Variants in IL15RA observed in about 807,000 individuals in gnomAD.
The protein encoded by IL15RA is interleukin 15 receptor subunit alpha, also known as interleukin-15 receptor subunit alpha.
A neutral mutation model predicts 24.2 loss-of-function variants in IL15RA; 26 were observed. The ratio of observed to expected loss-of-function variants is 1.07; its 90% CI spans 0.79 to 1.49. IL15RA has a LOEUF of 1.49. IL15RA is among the 40% of genes most tolerant of loss of function. The pLI is 0.00. For missense variants in IL15RA, 354 were observed against 356.4 expected, an observed-to-expected ratio of 0.99 and a Z score of 0.05; for synonymous variants, 166 against 157.6, an observed-to-expected ratio of 1.05 and a Z score of -0.40.
At position 5,958,355 on chromosome 10, in the gene IL15RA, C is replaced by T. The variant is rs1350458776; in HGVS notation, c.616+1399G>A. The T allele has an allele frequency of 2.2e-6, 1 of 446,384 alleles. No individual in the cohort carries two copies. The highest frequency in any genetic ancestry group is 7.0e-5 in the East Asian group (1 of 14,304). 27.7% of individuals were successfully genotyped at this position (446,384 alleles called of 1,614,324 possible). On this transcript the variant is annotated intron_variant, in intron 5 of 6. Coordinates refer to ENST00000379977, the MANE Select transcript of IL15RA (RefSeq NM_002189.4). The surrounding 1 kb of genome is among the most constrained non-coding windows in gnomAD (Gnocchi z 4.3). ...GGTAGCAAGTGTTGCTTCCTTCCTG[C>T]AAGGGGATTTTTGAGTTAGAAATGG...
rs760175578 is a variant in IL15RA, at chr10:5,966,369, G to GAAGAGGTT, written c.89-38_89-31dup. On this transcript the variant is annotated intron_variant, in intron 1 of 6. Transcript: ENST00000379977. The surrounding 1 kb of genome is among the most constrained non-coding windows in gnomAD (Gnocchi z 6.4). ...GAAAGTGCAGAGGACAGGGGACGGT[G>GAAGAGGTT]AAGAGGTTTCCACTTGTAAGAGGCG... The GAAGAGGTT allele has an allele frequency of 1.9e-6, 3 of 1,580,372 alleles. No homozygotes were observed. Among genetic ancestry groups the GAAGAGGTT allele is most frequent in the Non-Finnish European group, 2.6e-6 (3 of 1,152,088 alleles).
chr10:5,977,179 G>C, intron 1 of IL15RA: 2 of 346,258 alleles, frequency 5.8e-6, no homozygotes, highest in Non-Finnish European at 1.0e-5. Context: ...TTACGTGGGT[G>C]ACCCGGGCGC....
rs1332430001 is a variant in IL15RA at position 5,953,318 on chromosome 10, A to G, written c.693-112T>C. On this transcript the variant is annotated intron_variant, in intron 6 of 6. Coordinates refer to ENST00000379977, the MANE Select transcript of IL15RA (RefSeq NM_002189.4). This position sits in a 1 kb window ranked among gnomAD's most constrained non-coding sequence, Gnocchi z 5.3. The stretch of plus-strand genomic sequence containing the variant: ...AGCACTGCGGGGATGGCAGGAGCAG[A>G]CAGAGGCCCTGCCACGGGAGTCAGA... 7.6e-6 allele frequency: 6 copies of G among 793,748 alleles called. No individual in the cohort carries two copies. The Admixed American group carries it at 1.2e-4, about 16-fold the overall frequency. 49.2% of individuals were successfully genotyped at this position (793,748 alleles called of 1,614,324 possible).
chr10:5,950,402 C>A (rs139949998), downstream of IL15RA, among the ~76,000 whole-genome samples: 1,333 of 152,238 alleles, frequency 8.8e-3, 10 homozygotes, highest in African/African-American at 0.019. This position sits in a 1 kb window ranked among gnomAD's most constrained non-coding sequence, Gnocchi z 5.6. Flanking sequence ...CTTTCCATTT[C>A]AACATAAAAA....
chr10:5,969,044 C>G (rs1837112989), intron 1 of IL15RA: 3 of 1,368,558 alleles, frequency 2.2e-6, no homozygotes, highest in African/African-American at 1.4e-5. Context: ...GTGTTTCTGG[C>G]TGACTCACCA....
rs1837585192 is a variant in IL15RA, at chr10:5,971,435, A to G, written c.89-5096T>C. Reference sequence around the variant, plus strand: ...TGTGAATCACACTTCCTTATCTATCAGGTTGGTTTACAGAGTCTAATAAGA... The same window carrying G: ...TGTGAATCACACTTCCTTATCTATCGGGTTGGTTTACAGAGTCTAATAAGA... On this transcript the variant is annotated intron_variant, in intron 1 of 6. Coordinates refer to ENST00000379977, the MANE Select transcript of IL15RA (RefSeq NM_002189.4). This position sits in a 1 kb window ranked among gnomAD's most constrained non-coding sequence, Gnocchi z 5.5. Among the ~76,000 whole-genome samples, 1 of 152,196 alleles carries G rather than the reference A, an allele frequency of 6.6e-6. No individual in the cohort carries two copies. Among genetic ancestry groups the G allele is most frequent in the Admixed American group, 6.5e-5 (1 of 15,272 alleles).
chr10:5,969,808 G>A (rs1463779924), intron 1 of IL15RA, among the ~76,000 whole-genome samples: 2 of 152,102 alleles, frequency 1.3e-5, no homozygotes, highest in African/African-American at 4.8e-5. Context: ...CATCAACACG[G>A]TATCTCTCTT....
Position 5,963,092 on chromosome 10 carries a change from C to T in IL15RA, c.382+651G>A, listed in dbSNP as rs192696321. Among the ~76,000 whole-genome samples the T allele has an allele frequency of 2.6e-5, 4 of 152,366 alleles. No individual in the cohort carries two copies. The highest frequency in any genetic ancestry group is 2.6e-4 in the Admixed American group (4 of 15,306). Reference sequence around the variant, plus strand: ...CTCACATTTTTGCACATCTTGCAGACAGAGGAGCTGATGGCCCTTTCTCTG... The same window carrying T: ...CTCACATTTTTGCACATCTTGCAGATAGAGGAGCTGATGGCCCTTTCTCTG... On this transcript the variant is annotated intron_variant, in intron 3 of 6. Coordinates refer to ENST00000379977, the MANE Select transcript of IL15RA (RefSeq NM_002189.4). This position sits in a 1 kb window ranked among gnomAD's most constrained non-coding sequence, Gnocchi z 5.3.
chr10:5,977,657 C>G (rs1797133903), upstream of IL15RA: 2 of 1,247,726 alleles, frequency 1.6e-6, no homozygotes, highest in African/African-American at 1.5e-5. Flanking sequence ...GGTGACAGAT[C>G]CGTGACTCAG....
At chr10:5,957,208 G>A (rs1834667244) in intron 5 of IL15RA, among the ~76,000 whole-genome samples, 1 of 152,026 alleles carries the variant, frequency 6.6e-6, no homozygotes, top group South Asian at 2.1e-4. Context: ...TGATCCACCT[G>A]CCTCAGCCTC....
At chr10:5,977,936 G>C (rs932777771), upstream of IL15RA, 6 of 238,762 alleles carry the variant, frequency 2.5e-5, no homozygotes, top group Non-Finnish European at 4.8e-5. Context: ...ACTTGACCTC[G>C]CCCGGCGCTG....
Position 5,975,816 on chromosome 10 carries a change from C to T in IL15RA, c.88+1589G>A, listed in dbSNP as rs1056307086. On this transcript the variant is annotated intron_variant, in intron 1 of 6. Transcript: ENST00000379977. The surrounding 1 kb of genome is among the most constrained non-coding windows in gnomAD (Gnocchi z 4.8). ...GCTGAGGCAGCAGAATCGCTTGAAC[C>T]CAGGAGGCGGAGGTTGCAGTGAGCT... Among the ~76,000 whole-genome samples, 1 of 152,126 alleles carries T rather than the reference C, an allele frequency of 6.6e-6. No homozygotes were observed. The highest frequency in any genetic ancestry group is 2.4e-5 in the African/African-American group (1 of 41,422).
rs8177708 is a variant in IL15RA at position 5,958,932 on chromosome 10, G to T, written c.616+822C>A. Among the ~76,000 whole-genome samples the T allele has an allele frequency of 5.9e-5, 9 of 152,076 alleles. No homozygotes were observed. Among genetic ancestry groups the T allele is most frequent in the African/African-American group, 2.2e-4 (9 of 41,490 alleles). On this transcript the variant is annotated intron_variant, in intron 5 of 6. Transcript: ENST00000379977. This position sits in a 1 kb window ranked among gnomAD's most constrained non-coding sequence, Gnocchi z 4.3. The stretch of plus-strand genomic sequence containing the variant: ...GACTTGCATTCTTCTCATTACCTGC[G>T]TTCTTCCTCCCTGCCTGCTTCCCTT...
At chr10:5,977,824 G>A (rs2132794897), upstream of IL15RA, 1 of 406,092 alleles carries the variant, frequency 2.5e-6, no homozygotes, top group Admixed American at 4.4e-5. Flanking sequence ...GTCGTGCTCT[G>A]GGACCTCCAG....
At chr10:5,969,146 G>A (rs949054880) in intron 1 of IL15RA, among the ~76,000 whole-genome samples, 3 of 152,008 alleles carry the variant, frequency 2.0e-5, no homozygotes, top group Non-Finnish European at 4.4e-5. Context: ...TTAAAGTCAG[G>A]TAGTATAAGT....
Position 5,955,535 on chromosome 10 carries a change from A to G in IL15RA, c.692+844T>C, listed in dbSNP as rs1047811898. Among the ~76,000 whole-genome samples, 1 of 152,222 alleles carries G rather than the reference A, an allele frequency of 6.6e-6. No individual in the cohort carries two copies. Among genetic ancestry groups the G allele is most frequent in the African/African-American group, 2.4e-5 (1 of 41,460 alleles). The stretch of plus-strand genomic sequence containing the variant: ...ATGCTGGAATACTGGTTACTAATTG[A>G]TAGAAGTACAAAATGAAGGCTAGAA... On this transcript the variant is annotated intron_variant, in intron 6 of 6. Coordinates refer to ENST00000379977, the MANE Select transcript of IL15RA (RefSeq NM_002189.4). This position sits in a 1 kb window ranked among gnomAD's most constrained non-coding sequence, Gnocchi z 5.3.
chr10:5,963,624 G>T lies in IL15RA; in HGVS notation c.382+119C>A, dbSNP rs890272433. ...ATTCTTGATTGAATAAGACGTTTGC[G>T]CTATTGCCTAAGTCTGCAGTGGCAC... On this transcript the variant is annotated intron_variant, in intron 3 of 6. Coordinates refer to ENST00000379977, the MANE Select transcript of IL15RA (RefSeq NM_002189.4). This position sits in a 1 kb window ranked among gnomAD's most constrained non-coding sequence, Gnocchi z 5.3. 13 of 530,902 alleles carry T rather than the reference G, an allele frequency of 2.4e-5. No individual in the cohort carries two copies. The highest frequency in any genetic ancestry group is 7.0e-5 in the South Asian group (2 of 28,454). 32.9% of individuals were successfully genotyped at this position (530,902 alleles called of 1,614,324 possible).
chr10:5,966,206 C>T lies in IL15RA; in HGVS notation c.222G>A (p.Glu74=), dbSNP rs375065387. The T allele has an allele frequency of 6.2e-7, 1 of 1,614,016 alleles. No homozygotes were observed. Among genetic ancestry groups the T allele is most frequent in the Non-Finnish European group, 8.5e-7 (1 of 1,179,882 alleles). ...KRKAGTSSLT[E]CVLNKATNVA... ...CATTCGTGGCCTTGTTCAACACGCA[C>T]TCCGTCAGGCTGGACGTGCCGGCTT... is the stretch of plus-strand genomic sequence containing the variant. Residue 74 remains glutamate (E), a synonymous_variant, in exon 2 of 7, where the codon GAG becomes GAA. Transcript: ENST00000379977. This position sits in a 1 kb window ranked among gnomAD's most constrained non-coding sequence, Gnocchi z 6.4.
intron 1 of IL15RA, 150 bp downstream of exon 1, chr10:5,977,255 C>G (rs1838603742): frequency 2.6e-6 from 1 of 381,404 alleles, no homozygotes; most frequent in Non-Finnish European, 4.6e-6. Context: ...CGCCGCGTCC[C>G]CTCCCCGGCC....
Sources: gnomAD v4.1 joint callset for allele counts (sites outside exome capture counted in the v4.1 genomes callset) on GRCh38, gnomAD v4.1.1 for gene constraint, Gnocchi (gnomAD v3.1) non-coding constraint, MANE v1.5 for transcripts, NCBI Gene and HGNC (gene_info 2026-07-23, HGNC 2026-07-21) for gene names.